Variants in TMEM132C observed in about 807,000 individuals in gnomAD.
The protein encoded by TMEM132C is protein phosphatase 1, regulatory subunit 152.
A neutral mutation model predicts 61.4 loss-of-function variants in TMEM132C; 29 were observed. The ratio of observed to expected loss-of-function variants is 0.47; its 90% CI spans 0.35 to 0.64. The LOEUF (loss-of-function observed/expected upper bound fraction) is 0.64. TMEM132C is among the 30% of genes least tolerant of loss of function. The pLI is 0.00. For synonymous variants in TMEM132C, 656 were observed against 633.1 expected (o/e 1.04, Z -0.54); for missense variants, 1,408 against 1,476.9 (o/e 0.95, Z 0.76).
Position 128,326,263 on chromosome 12 carries a change from C to T in TMEM132C, c.85+58776C>T, listed in dbSNP as rs75031472. Among the ~76,000 whole-genome samples the T allele has an allele frequency of 0.013, 2,036 of 152,264 alleles. 20 individuals are homozygous for T. The highest frequency in any genetic ancestry group is 0.02 in the Non-Finnish European group (1,355 of 68,022). On this transcript the variant is annotated intron_variant, in intron 1 of 8. Coordinates refer to ENST00000435159, the MANE Select transcript of TMEM132C (RefSeq NM_001136103.3). This position sits in a 1 kb window ranked among gnomAD's most constrained non-coding sequence, Gnocchi z 5.6. ...GAGCACCTCCATTCCTCCCCACCAC[C>T]ATCACTCCATGAACCCCCCAGCCTC...
chr12:128,392,652 T>A (rs1874806186), intron 1 of TMEM132C, among the ~76,000 whole-genome samples: 1 of 152,108 alleles, frequency 6.6e-6, no homozygotes, highest in South Asian at 2.1e-4. Flanking sequence ...ACAGGTGATA[T>A]TCAAACTTTC....
chr12:128,271,255 A>AAAT (rs947526727), intron 1 of TMEM132C, among the ~76,000 whole-genome samples: 4 of 131,218 alleles, frequency 3.0e-5, no homozygotes, highest in South Asian at 4.9e-4. Flanking sequence ...CTTGGTCTCA[A>AAAT]AATAATAATA....
At chr12:128,512,203 C>T (rs941882471) in intron 2 of TMEM132C, among the ~76,000 whole-genome samples, 1 of 152,046 alleles carries the variant, frequency 6.6e-6, no homozygotes, top group Non-Finnish European at 1.5e-5. Flanking sequence ...CTTCCTGGGC[C>T]TCTCCATCTC....
chr12:128,547,423 G>T (rs1276017454), intron 3 of TMEM132C, among the ~76,000 whole-genome samples: 1 of 151,758 alleles, frequency 6.6e-6, no homozygotes, highest in Non-Finnish European at 1.5e-5. Context: ...AATTAGCCGG[G>T]CGTGGTGGCG....
At chr12:128,487,602 G>A (rs999782483) in intron 2 of TMEM132C, among the ~76,000 whole-genome samples, 1 of 51,138 alleles carries the variant, frequency 2.0e-5, no homozygotes, top group Non-Finnish European at 3.8e-5. Context: ...TGTGTGTGTG[G>A]GTATATATAT....
chr12:128,523,644 A>G (rs570102115), intron 2 of TMEM132C, among the ~76,000 whole-genome samples: 1 of 152,148 alleles, frequency 6.6e-6, no homozygotes, highest in South Asian at 2.1e-4. Context: ...ATGACCCTTG[A>G]AAAGGGATGT....
intron 4 of TMEM132C, among the ~76,000 whole-genome samples, chr12:128,650,169 G>GT (rs1330254050): frequency 2.0e-5 from 3 of 152,204 alleles, no homozygotes; most frequent in African/African-American, 7.2e-5. Context: ...TCAGAGTGCA[G>GT]TAGGGAAGAG....
intron 4 of TMEM132C, among the ~76,000 whole-genome samples, chr12:128,661,061 T>C (rs1056515437): frequency 1.3e-5 from 2 of 151,698 alleles, no homozygotes; most frequent in African/African-American, 4.9e-5. Context: ...GATAGACACA[T>C]AAATAGATAG....
At chr12:128,542,792 C>T (rs1257982039) in intron 2 of TMEM132C, among the ~76,000 whole-genome samples, 3 of 137,426 alleles carry the variant, frequency 2.2e-5, no homozygotes, top group Non-Finnish European at 4.6e-5. Flanking sequence ...ACCCAGGAGG[C>T]GGAGGTTGCA....
At chr12:128,475,054 C>T (rs112619387) in intron 2 of TMEM132C, among the ~76,000 whole-genome samples, 11,045 of 152,144 alleles carry the variant, frequency 0.073, 448 homozygotes, top group Middle Eastern at 0.11. Flanking sequence ...GAGGCAGGGA[C>T]GTGAGGATGT....
intron 2 of TMEM132C, among the ~76,000 whole-genome samples, chr12:128,475,198 G>GC (rs1555226404): frequency 6.6e-6 from 1 of 152,030 alleles, no homozygotes; most frequent in Non-Finnish European, 1.5e-5. Context: ...GTAAGACCCC[G>GC]CCCCCAACTC....
At chr12:128,548,739 G>C (rs557488258) in intron 3 of TMEM132C, among the ~76,000 whole-genome samples, 3 of 152,314 alleles carry the variant, frequency 2.0e-5, no homozygotes, top group East Asian at 1.9e-4. Flanking sequence ...TGTGTTCACA[G>C]ATTCCAGATT....
intron 3 of TMEM132C, among the ~76,000 whole-genome samples, chr12:128,561,784 T>C (rs1663387078): frequency 6.7e-6 from 1 of 150,334 alleles, no homozygotes; most frequent in Admixed American, 6.6e-5. Flanking sequence ...TTCAAAAACG[T>C]AATTTTTTCT....
intron 2 of TMEM132C, among the ~76,000 whole-genome samples, chr12:128,504,771 A>AG (rs1220911596): frequency 3.4e-5 from 4 of 117,370 alleles, no homozygotes; most frequent in Admixed American, 2.4e-4. Context: ...TCTCTAGTGC[A>AG]GTCACATTGA....
intron 3 of TMEM132C, among the ~76,000 whole-genome samples, chr12:128,612,410 C>A (rs886578555): frequency 1.3e-5 from 2 of 151,248 alleles, no homozygotes; most frequent in African/African-American, 4.9e-5. Context: ...ATTTTTTTTT[C>A]CATTCTGAAA....
intron 3 of TMEM132C, among the ~76,000 whole-genome samples, chr12:128,601,701 G>A (rs1175702744): frequency 6.7e-6 from 1 of 148,702 alleles, no homozygotes; most frequent in Non-Finnish European, 1.5e-5. Flanking sequence ...GAAGGACCTG[G>A]TAAGAGGGTA....
chr12:128,331,119 T>G (rs980530212), intron 1 of TMEM132C, among the ~76,000 whole-genome samples: 4 of 151,860 alleles, frequency 2.6e-5, no homozygotes, highest in African/African-American at 9.7e-5. Context: ...CCTTGTTACT[T>G]TGGCCCCTTC....
chr12:128,525,569 C>T lies in TMEM132C; in HGVS notation c.975-18388C>T, dbSNP rs377020615. The stretch of plus-strand genomic sequence containing the variant: ...CACCATGTGCTCTGTGTCAGTGGCA[C>T]ACAGGGCTGATCTGAGTTTTGCACA... On this transcript the variant is annotated intron_variant, in intron 2 of 8. Transcript: ENST00000435159. 6.6e-5 allele frequency among the ~76,000 whole-genome samples: 10 copies of T among 152,294 alleles called. No homozygotes were observed. In the South Asian group the frequency reaches 2.1e-3, roughly 32 times the overall value.
intron 3 of TMEM132C, among the ~76,000 whole-genome samples, chr12:128,568,519 CTTATT>C (rs534486982): frequency 1.0e-3 from 153 of 152,314 alleles, no homozygotes; most frequent in African/African-American, 3.5e-3. Flanking sequence ...TTTATGCAGA[CTTATT>C]TAATCTCCAC....
Sources: gnomAD v4.1 joint callset for allele counts (sites outside exome capture counted in the v4.1 genomes callset) on GRCh38, gnomAD v4.1.1 for gene constraint, Gnocchi (gnomAD v3.1) non-coding constraint, MANE v1.5 for transcripts, NCBI Gene and HGNC (gene_info 2026-07-23, HGNC 2026-07-21) for gene names.